The following NAA11 variants were observed in gnomAD, a reference collection of about 807,000 sequenced individuals.
NAA11 encodes the protein N-alpha-acetyltransferase 11.
A neutral mutation model predicts 16.1 loss-of-function variants in NAA11; 15 were observed. The observed-to-expected ratio is 0.93, with a 90% CI of 0.62 to 1.44. The LOEUF (loss-of-function observed/expected upper bound fraction) is 1.44. NAA11 is among the 40% of genes most tolerant of loss of function. The pLI, the probability that NAA11 is intolerant of heterozygous loss-of-function variation, is 0.00. For synonymous variants in NAA11, 122 were observed against 112.4 expected, an observed-to-expected ratio of 1.09 and a Z score of -0.54; for missense variants, 298 against 291.3, an observed-to-expected ratio of 1.02 and a Z score of -0.17.
intron 1 of NAA11, among the ~76,000 whole-genome samples, chr4:79,307,812 C>A (rs1039247527): frequency 6.6e-6 from 1 of 152,080 alleles, no homozygotes; most frequent in African/African-American, 2.4e-5. Context: ...CTAGAACAAT[C>A]CAGAAAGAAA....
chr4:79,180,111 G>C, the NAA11 span, among the ~76,000 whole-genome samples: 1 of 152,172 alleles, frequency 6.6e-6, no homozygotes, highest in Admixed American at 6.5e-5. Context: ...TTCAAGATGA[G>C]ATTTTTGTGG....
At chr4:79,296,884 T>A (rs1350119834) in intron 1 of NAA11, among the ~76,000 whole-genome samples, 2 of 152,220 alleles carry the variant, frequency 1.3e-5, no homozygotes, top group African/African-American at 4.8e-5. Context: ...CCATTTATGA[T>A]TAAGGCTATT....
At chr4:79,224,954 A>C (rs1721278124), downstream of NAA11, among the ~76,000 whole-genome samples, 1 of 152,104 alleles carries the variant, frequency 6.6e-6, no homozygotes, top group Non-Finnish European at 1.5e-5. Context: ...CAAGATCATG[A>C]AAAACAAGAA....
the NAA11 span, among the ~76,000 whole-genome samples, chr4:79,170,196 C>A: frequency 1.3e-5 from 2 of 152,174 alleles, no homozygotes; most frequent in African/African-American, 2.4e-5. Context: ...GTCCTGCACT[C>A]AGAAGGGCCT....
chr4:79,214,805 AT>A, the NAA11 span, among the ~76,000 whole-genome samples: 1 of 152,114 alleles, frequency 6.6e-6, no homozygotes, highest in Non-Finnish European at 1.5e-5. Context: ...CTAAAAAAAA[AT>A]AAAAATAAAA....
the NAA11 span, among the ~76,000 whole-genome samples, chr4:79,179,910 G>C: frequency 6.6e-6 from 1 of 152,192 alleles, no homozygotes. Flanking sequence ...AAGGCACAGG[G>C]GAAGCAGACA....
chr4:79,306,501 A>C (rs751715023), intron 1 of NAA11, among the ~76,000 whole-genome samples: 16 of 152,172 alleles, frequency 1.1e-4, no homozygotes, highest in Non-Finnish European at 1.6e-4. Flanking sequence ...GCTTCATTTT[A>C]AGTTAATTAT....
the NAA11 span, among the ~76,000 whole-genome samples, chr4:79,168,695 T>C: frequency 6.6e-6 from 1 of 152,238 alleles, no homozygotes; most frequent in Admixed American, 6.5e-5. Context: ...GTTCATATCC[T>C]TTGCCCACTC....
chr4:79,247,360 C>T (rs1001639271), intron 2 of NAA11, among the ~76,000 whole-genome samples: 9 of 152,050 alleles, frequency 5.9e-5, no homozygotes, highest in African/African-American at 2.2e-4. Flanking sequence ...TTCATATCTC[C>T]CCTGCATTTC....
intron 2 of NAA11, among the ~76,000 whole-genome samples, chr4:79,232,862 A>G (rs533917430): frequency 3.9e-5 from 6 of 152,118 alleles, no homozygotes; most frequent in Admixed American, 1.3e-4. Flanking sequence ...TATTTTTCAC[A>G]GGGAAAACAG....
chr4:79,158,721 A>ATATATATATATATATATATATATG, the NAA11 span, among the ~76,000 whole-genome samples: 30 of 146,960 alleles, frequency 2.0e-4, 1 homozygote, highest in Non-Finnish European at 1.1e-4. Flanking sequence ...ATATATATAT[A>ATATATATATATATATATATATATG]TGGCTATAGT....
intron 1 of NAA11, among the ~76,000 whole-genome samples, chr4:79,320,005 T>G (rs991224259): frequency 2.0e-4 from 30 of 152,242 alleles, no homozygotes; most frequent in African/African-American, 7.2e-4. Flanking sequence ...GTAACCTTAC[T>G]TAACTCAATG....
chr4:79,156,514 T>C, the NAA11 span, among the ~76,000 whole-genome samples: 1 of 152,174 alleles, frequency 6.6e-6, no homozygotes, highest in African/African-American at 2.4e-5. Context: ...GCACAATTAA[T>C]TCTCCTTGCT....
At chr4:79,175,940 A>G in the NAA11 span, among the ~76,000 whole-genome samples, 1 of 152,136 alleles carries the variant, frequency 6.6e-6, no homozygotes, top group Non-Finnish European at 1.5e-5. Flanking sequence ...CCTTAATTCC[A>G]GCTGCTCTTG....
At chr4:79,303,074 T>TAGATATA (rs1560462860) in intron 1 of NAA11, among the ~76,000 whole-genome samples, 3 of 72,282 alleles carry the variant, frequency 4.2e-5, no homozygotes, top group African/African-American at 2.2e-4. Flanking sequence ...TCTTGAGGCC[T>TAGATATA]TTTATATATA....
the NAA11 span, among the ~76,000 whole-genome samples, chr4:79,192,774 C>G: frequency 1.3e-5 from 2 of 149,452 alleles, no homozygotes. Context: ...AATGGTATTT[C>G]CAGTTCTAGA....
intron 1 of NAA11, among the ~76,000 whole-genome samples, chr4:79,320,824 A>T (rs1412865885): frequency 6.6e-6 from 1 of 152,162 alleles, no homozygotes; most frequent in African/African-American, 2.4e-5. Context: ...AGGTATTTGA[A>T]CTCCAGCTCC....
At chr4:79,174,025 C>T in the NAA11 span, among the ~76,000 whole-genome samples, 3 of 152,020 alleles carry the variant, frequency 2.0e-5, no homozygotes, top group Non-Finnish European at 4.4e-5. Flanking sequence ...GAGGGAGACT[C>T]CCCATTCACT....
intron 2 of NAA11, among the ~76,000 whole-genome samples, chr4:79,245,870 C>T (rs1721810321): frequency 6.6e-6 from 1 of 152,230 alleles, no homozygotes; most frequent in African/African-American, 2.4e-5. Flanking sequence ...GCCACCCCTT[C>T]TGGGAGGTGT....
Sources: allele counts gnomAD v4.1 joint callset (sites outside exome capture counted in the v4.1 genomes callset), GRCh38; gene constraint gnomAD v4.1.1; transcripts MANE v1.5; gene names NCBI Gene and HGNC (gene_info 2026-07-23, HGNC 2026-07-21).